Variants in NCOA3 observed in about 807,000 individuals in gnomAD.
NCOA3 encodes CBP-interacting protein.
NCOA3 carries 51 observed loss-of-function variants against 158.8 expected under a neutral mutation model. The observed-to-expected ratio is 0.32, with a 90% confidence interval of 0.26 to 0.41. The LOEUF is 0.41. NCOA3 is among the 10% of genes least tolerant of loss of function. NCOA3 has a pLI of 1.00. For synonymous variants in NCOA3, 537 were observed against 592.4 expected (o/e 0.91, Z 1.36); for missense variants, 1,510 against 1,746.6 (o/e 0.86, Z 2.41).
intron 1 of NCOA3, among the ~76,000 whole-genome samples, chr20:47,511,012 A>G (rs1230687235): frequency 6.6e-6 from 1 of 152,058 alleles, no homozygotes; most frequent in African/African-American, 2.4e-5. Flanking sequence ...ATACTTAATC[A>G]GTGATTATTA....
chr20:47,628,309 G>C, intron 8 of NCOA3: 1 of 282,310 alleles, frequency 3.5e-6, no homozygotes, highest in Non-Finnish European at 6.5e-6. Flanking sequence ...TGCATTTTGC[G>C]TCAGAATTTA....
intron 16 of NCOA3, among the ~76,000 whole-genome samples, chr20:47,641,728 C>T (rs1003679798): frequency 6.6e-6 from 1 of 151,666 alleles, no homozygotes; most frequent in African/African-American, 2.4e-5. Flanking sequence ...ATCTCCTGAC[C>T]TCGTGATCCG....
At chr20:47,511,558 T>TATACACACA (rs1569310957) in intron 1 of NCOA3, among the ~76,000 whole-genome samples, 1 of 31,922 alleles carries the variant, frequency 3.1e-5, no homozygotes, top group Non-Finnish European at 1.0e-4. Flanking sequence ...TATATATATT[T>TATACACACA]CTTTTTTTTT....
chr20:47,533,657 A>C (rs1280233548), intron 1 of NCOA3, among the ~76,000 whole-genome samples: 1 of 152,200 alleles, frequency 6.6e-6, no homozygotes, highest in Non-Finnish European at 1.5e-5. Context: ...GGCCAGGTGC[A>C]CTGGCTCACA....
chr20:47,569,337 A>T (rs2085252839), intron 1 of NCOA3, among the ~76,000 whole-genome samples: 1 of 150,064 alleles, frequency 6.7e-6, no homozygotes. Flanking sequence ...ACAGAGCCAG[A>T]CCCTATCTCC....
At chr20:47,647,794 C>G (rs922411692) in intron 18 of NCOA3, among the ~76,000 whole-genome samples, 1 of 151,642 alleles carries the variant, frequency 6.6e-6, no homozygotes, top group African/African-American at 2.4e-5. Context: ...TCTGTTTACC[C>G]TATTGTTTTC....
At chr20:47,619,920 C>G (rs1374286793) in intron 2 of NCOA3, among the ~76,000 whole-genome samples, 6 of 151,638 alleles carry the variant, frequency 4.0e-5, no homozygotes, top group Non-Finnish European at 8.8e-5. Context: ...CTCAGCCTCC[C>G]AAGTAGCTGG....
At chr20:47,626,039 C>T (rs1028255698) in intron 5 of NCOA3, among the ~76,000 whole-genome samples, 1 of 152,198 alleles carries the variant, frequency 6.6e-6, no homozygotes, top group Non-Finnish European at 1.5e-5. Context: ...TTTGGGAGGT[C>T]TTGGAACCAA....
chr20:47,587,001 A>G (rs1341461191), intron 2 of NCOA3, among the ~76,000 whole-genome samples: 1 of 152,192 alleles, frequency 6.6e-6, no homozygotes, highest in Non-Finnish European at 1.5e-5. Flanking sequence ...TGGGGAAACA[A>G]TGCAGATATT....
At chr20:47,571,168 C>T (rs954813984) in intron 1 of NCOA3, among the ~76,000 whole-genome samples, 3 of 151,256 alleles carry the variant, frequency 2.0e-5, no homozygotes, top group Non-Finnish European at 4.4e-5. Flanking sequence ...CCACGCCTGG[C>T]TAATTTTTGT....
At chr20:47,627,207 G>A in intron 6 of NCOA3, 31 bp downstream of exon 6, 1 of 1,509,702 alleles carries the variant, frequency 6.6e-7, no homozygotes, top group Non-Finnish European at 8.9e-7. Flanking sequence ...TTCTAAATAG[G>A]TTAAATTTTT....
chr20:47,511,579 C>T (rs2084142484), intron 1 of NCOA3, among the ~76,000 whole-genome samples: 1 of 26,544 alleles, frequency 3.8e-5, no homozygotes, highest in African/African-American at 8.9e-5. Context: ...TTGAGACGGT[C>T]TTGCTCTGTC....
intron 2 of NCOA3, among the ~76,000 whole-genome samples, chr20:47,600,735 C>T (rs569575152): frequency 1.0e-4 from 15 of 148,588 alleles, no homozygotes; most frequent in East Asian, 5.9e-4. Flanking sequence ...AGTCTGGTTT[C>T]GAACTCCTGG....
At chr20:47,622,660 A>G (rs1258445176) in intron 3 of NCOA3, among the ~76,000 whole-genome samples, 4 of 152,182 alleles carry the variant, frequency 2.6e-5, no homozygotes, top group Non-Finnish European at 5.9e-5. Flanking sequence ...GTGAGCAACA[A>G]GGCTGTTTAT....
chr20:47,512,213 G>A (rs1414029201), intron 1 of NCOA3, among the ~76,000 whole-genome samples: 1 of 151,890 alleles, frequency 6.6e-6, no homozygotes, highest in African/African-American at 2.4e-5. Context: ...CACAAAAAAA[G>A]TTTTTCTTCT....
At chr20:47,647,905 G>GT (rs773435247) in intron 18 of NCOA3, among the ~76,000 whole-genome samples, 5 of 123,300 alleles carry the variant, frequency 4.1e-5, no homozygotes, top group Non-Finnish European at 7.0e-5. Context: ...TTGTTTGTTT[G>GT]TTTGTTTTGT....
At chr20:47,535,798 G>A (rs956735963) in intron 1 of NCOA3, among the ~76,000 whole-genome samples, 40 of 151,874 alleles carry the variant, frequency 2.6e-4, no homozygotes, top group Admixed American at 5.9e-4. Context: ...GAGCCACTGC[G>A]CCCGGCCGAG....
chr20:47,551,993 C>A (rs576718938), intron 1 of NCOA3, among the ~76,000 whole-genome samples: 9 of 152,234 alleles, frequency 5.9e-5, no homozygotes, highest in African/African-American at 1.7e-4. Context: ...TCCTAATGTA[C>A]CAGGTTGGCC....
intron 8 of NCOA3, 106 bp from the exon 9 acceptor site, chr20:47,633,390 G>T: frequency 1.8e-6 from 2 of 1,125,992 alleles, no homozygotes. Context: ...GTGGAGCAAA[G>T]ATTTAATATC....
Sources: gnomAD v4.1 joint callset for allele counts (sites outside exome capture counted in the v4.1 genomes callset) on GRCh38, gnomAD v4.1.1 for gene constraint, MANE v1.5 for transcripts, NCBI Gene and HGNC (gene_info 2026-07-23, HGNC 2026-07-21) for gene names.